The following DYNLRB1 variants were observed in gnomAD, a reference collection of about 807,000 sequenced individuals.
DYNLRB1 encodes ROBL/LC7-like 1.
Under a neutral mutation model 13.5 loss-of-function variants are expected in DYNLRB1, and 6 were observed. That is an observed-to-expected ratio of 0.44 (90% CI 0.24 to 0.88). DYNLRB1 has a LOEUF of 0.88. Ranked by LOEUF, DYNLRB1 falls within the 40% of genes least tolerant of loss-of-function variation. The probability of loss-of-function intolerance (pLI) is 0.21; values close to 1 mark genes in which losing one functional copy is unlikely to be tolerated. For missense variants in DYNLRB1, 93 were observed against 127.2 expected (o/e 0.73, Z 1.29); for synonymous variants, 43 against 45.0 (o/e 0.96, Z 0.18).
chr20:34,526,583 T>C, intron 2 of DYNLRB1: 1 of 511,554 alleles, frequency 2.0e-6, no homozygotes, highest in South Asian at 2.4e-5. Flanking sequence ...GAGCAATTAG[T>C]TGTAAACTGC....
intron 1 of DYNLRB1, among the ~76,000 whole-genome samples, chr20:34,522,455 T>A (rs1255569627): frequency 1.4e-5 from 2 of 145,660 alleles, no homozygotes; most frequent in African/African-American, 5.1e-5. Context: ...TTTCTTTCTT[T>A]CTTTTTTCTT....
intron 2 of DYNLRB1, among the ~76,000 whole-genome samples, chr20:34,527,417 G>A (rs568925014): frequency 8.5e-5 from 13 of 152,328 alleles, no homozygotes; most frequent in Admixed American, 3.3e-4. Context: ...AATGAACAGC[G>A]TAAAGCATTT....
At position 34,540,866 on chromosome 20, in the gene DYNLRB1, A is replaced by G. The variant is rs1981533763; in HGVS notation, c.*242A>G. 3 of 471,798 alleles carry G rather than the reference A, an allele frequency of 6.4e-6. No individual in the cohort carries two copies. Among genetic ancestry groups the G allele is most frequent in the Non-Finnish European group, 1.1e-5 (3 of 268,976 alleles). The allele number at this position is 471,798 out of a possible 1,614,324, so 29.2% of individuals were successfully genotyped here. A position where few individuals can be genotyped will look rare whatever the true frequency, so the allele number is the denominator to read the frequency against. On this transcript the variant is annotated 3_prime_UTR_variant, in exon 4 of 4. Coordinates refer to ENST00000357156, the MANE Select transcript of DYNLRB1 (RefSeq NM_014183.4). ...AGGTTTTGGAGCAAGAGCTTGCAGG[A>G]AGCCCGCACCCAGCTTCCTTCTGAC...
At chr20:34,522,476 T>TTTC (rs1979825607) in intron 1 of DYNLRB1, among the ~76,000 whole-genome samples, 3 of 135,536 alleles carry the variant, frequency 2.2e-5, no homozygotes, top group Admixed American at 7.3e-5. Context: ...TTTCTTTTTT[T>TTTC]TTTTTTTTTT....
chr20:34,539,302 G>A (rs887245717), intron 3 of DYNLRB1, among the ~76,000 whole-genome samples: 1 of 152,158 alleles, frequency 6.6e-6, no homozygotes, highest in African/African-American at 2.4e-5. Context: ...CCCTGGAGCT[G>A]GAATCCAGGC....
chr20:34,533,809 A>C (rs537571315), intron 2 of DYNLRB1, among the ~76,000 whole-genome samples: 1 of 151,060 alleles, frequency 6.6e-6, no homozygotes, highest in South Asian at 2.1e-4. Flanking sequence ...ACACAGCAAG[A>C]CTCCATCTCA....
intron 2 of DYNLRB1, among the ~76,000 whole-genome samples, chr20:34,534,409 T>G (rs1980957427): frequency 1.3e-5 from 2 of 152,202 alleles, no homozygotes; most frequent in South Asian, 4.1e-4. Context: ...TGTTGCCTCA[T>G]GGGCGAATGA....
intron 1 of DYNLRB1, chr20:34,516,882 T>TA: frequency 1.3e-6 from 2 of 1,507,112 alleles, no homozygotes; most frequent in South Asian, 1.3e-5. Context: ...GTGAGGTAGA[T>TA]ACAATCTTTA....
chr20:34,517,903 C>T (rs939522812), intron 1 of DYNLRB1, among the ~76,000 whole-genome samples: 13 of 152,272 alleles, frequency 8.5e-5, no homozygotes, highest in African/African-American at 2.9e-4. Context: ...TCCCAAAGTG[C>T]TGGGATTACA....
At chr20:34,533,877 C>T (rs1980907844) in intron 2 of DYNLRB1, among the ~76,000 whole-genome samples, 2 of 151,676 alleles carry the variant, frequency 1.3e-5, no homozygotes, top group Non-Finnish European at 2.9e-5. Context: ...TGGCTCACGT[C>T]TGTAATCCCA....
intron 3 of DYNLRB1, chr20:34,535,324 T>C (rs999519087): frequency 1.2e-5 from 12 of 985,348 alleles, no homozygotes; most frequent in Non-Finnish European, 1.4e-5. Flanking sequence ...AGGCCTGTCT[T>C]TAGGCCCCTT....
intron 3 of DYNLRB1, chr20:34,536,238 C>A (rs1172411953): frequency 1.0e-6 from 1 of 985,316 alleles, no homozygotes. Context: ...TTGCTTCCCA[C>A]AAGCATGACC....
At position 34,540,778 on chromosome 20, in the gene DYNLRB1, C is replaced by G. The variant is rs1306986908; in HGVS notation, c.*154C>G. 1 of 705,504 alleles carries G rather than the reference C, an allele frequency of 1.4e-6. No individual in the cohort carries two copies. Among genetic ancestry groups the G allele is most frequent in the African/African-American group, 1.8e-5 (1 of 54,748 alleles). 43.7% of individuals were successfully genotyped at this position (705,504 alleles called of 1,614,324 possible). ...GTGGGCTGGCGGCTCTTCTCCCCCA[C>G]CAACGGAACCCCTGTGTGCACCAAC... On this transcript the variant is annotated 3_prime_UTR_variant, in exon 4 of 4. Coordinates refer to ENST00000357156, the MANE Select transcript of DYNLRB1 (RefSeq NM_014183.4).
intron 3 of DYNLRB1, chr20:34,535,321 T>A (rs1981056399): frequency 1.0e-6 from 1 of 985,340 alleles, no homozygotes; most frequent in Non-Finnish European, 1.2e-6. Context: ...GCCAGGCCTG[T>A]CTTTAGGCCC....
rs371595947 is a variant in DYNLRB1 at position 34,516,474 on chromosome 20, C to T, written c.3+13C>T. ...TCGGTCGGAAATGGTGAGCGTGCGC[C>T]GGGGTCTTGTGGCTGGCGGCCGCCC... On this transcript the variant is annotated intron_variant, in intron 1 of 3. Transcript: ENST00000357156. 3.3e-5 allele frequency: 53 copies of T among 1,612,684 alleles called. No homozygotes were observed. In the African/African-American group the frequency reaches 5.9e-4, roughly 18 times the overall value.
chr20:34,529,305 TAGAG>T (rs545355206), intron 2 of DYNLRB1, among the ~76,000 whole-genome samples: 4 of 152,368 alleles, frequency 2.6e-5, no homozygotes, highest in Non-Finnish European at 4.4e-5. Flanking sequence ...TCAGTGCTCT[TAGAG>T]AGCCTCTTAT....
chr20:34,537,592 T>A (rs927815869), intron 3 of DYNLRB1, among the ~76,000 whole-genome samples: 1 of 152,196 alleles, frequency 6.6e-6, no homozygotes, highest in Non-Finnish European at 1.5e-5. Context: ...ACATACCCAC[T>A]TTTATGTGGC....
upstream of DYNLRB1, chr20:34,516,383 GAAAC>G: frequency 6.3e-7 from 1 of 1,590,494 alleles, no homozygotes; most frequent in Non-Finnish European, 8.6e-7. Flanking sequence ...CGTTTTGACA[GAAAC>G]CTTTGCGCAG....
intron 1 of DYNLRB1, among the ~76,000 whole-genome samples, chr20:34,518,309 T>C (rs1979426965): frequency 6.6e-6 from 1 of 152,156 alleles, no homozygotes; most frequent in East Asian, 1.9e-4. Context: ...CCTCAAGCTT[T>C]GTTCTTTTCG....
Sources: gnomAD v4.1 joint callset for allele counts (sites outside exome capture counted in the v4.1 genomes callset) on GRCh38, gnomAD v4.1.1 for gene constraint, MANE v1.5 for transcripts, NCBI Gene and HGNC (gene_info 2026-07-23, HGNC 2026-07-21) for gene names.